Variants in MTPAP observed in about 807,000 individuals in gnomAD.
MTPAP encodes the protein poly(A) RNA polymerase, mitochondrial.
MTPAP carries 23 observed loss-of-function variants against 48.7 expected under a neutral mutation model. The ratio of observed to expected loss-of-function variants is 0.47; its 90% CI spans 0.34 to 0.67. MTPAP has a LOEUF of 0.67. Ranked by LOEUF, MTPAP falls within the 30% of genes least tolerant of loss-of-function variation. MTPAP has a pLI of 0.01. For missense variants in MTPAP, 614 were observed against 694.3 expected (o/e 0.88, Z 1.30); for synonymous variants, 257 against 254.1 (o/e 1.01, Z -0.11).
chr10:30,340,928 G>T (rs372326172), intron 2 of MTPAP, among the ~76,000 whole-genome samples: 1 of 142,196 alleles, frequency 7.0e-6, no homozygotes, highest in South Asian at 2.3e-4. Context: ...CAAAAAAAAA[G>T]AAACGGAACC....
At chr10:30,331,050 C>T (rs1441679318) in intron 4 of MTPAP, among the ~76,000 whole-genome samples, 3 of 152,156 alleles carry the variant, frequency 2.0e-5, no homozygotes, top group Non-Finnish European at 4.4e-5. Context: ...ACCAAAAATG[C>T]AAGCCACGAA....
chr10:30,345,524 A>C (rs1368795157), intron 1 of MTPAP, among the ~76,000 whole-genome samples: 1 of 152,216 alleles, frequency 6.6e-6, no homozygotes. Flanking sequence ...AAGATGAAAA[A>C]GGTAGAATCT....
At chr10:30,316,344 G>C (rs1014640393) in intron 6 of MTPAP, 134 bp from the exon 7 acceptor site, 1 of 716,678 alleles carries the variant, frequency 1.4e-6, no homozygotes, top group East Asian at 2.7e-5. Flanking sequence ...CCAGGTTCCA[G>C]CAATTCTCCT....
Position 30,316,124 on chromosome 10 carries a change from T to C in MTPAP, c.1306A>G (p.Thr436Ala). The C allele has an allele frequency of 1.9e-6, 3 of 1,613,458 alleles. No individual in the cohort carries two copies. Among genetic ancestry groups the C allele is most frequent in the Non-Finnish European group, 2.5e-6 (3 of 1,179,396 alleles). ...SRIKPSQNTE[T>A]LELLLKEFFE... Reference sequence around the variant, plus strand: ...TAAACAGAAAGACACTTACCTAATGTTTCTGTGTTCTGTGAAGGTTTAATT... The same window carrying C: ...TAAACAGAAAGACACTTACCTAATGCTTCTGTGTTCTGTGAAGGTTTAATT... The change falls in exon 7 of 9, where the codon ACA becomes GCA. Residue 436 changes from threonine to alanine, a missense_variant. Coordinates refer to ENST00000263063, the MANE Select transcript of MTPAP (RefSeq NM_018109.4).
intron 5 of MTPAP, among the ~76,000 whole-genome samples, chr10:30,325,713 G>A (rs1834580195): frequency 6.6e-6 from 1 of 151,992 alleles, no homozygotes; most frequent in Admixed American, 6.6e-5. Context: ...GCAGTGTGCT[G>A]CACTCCAGCC....
At chr10:30,315,931 T>C (rs1426080452) in intron 8 of MTPAP, 32 bp downstream of exon 8, 7 of 1,522,526 alleles carry the variant, frequency 4.6e-6, no homozygotes, top group African/African-American at 4.1e-5. Context: ...GAAGACCAGA[T>C]ACTAATAACT....
chr10:30,336,693 T>C (rs1296281032), intron 4 of MTPAP, 110 bp downstream of exon 4: 5 of 902,244 alleles, frequency 5.5e-6, no homozygotes, highest in East Asian at 2.4e-5. Flanking sequence ...TTAACCACAA[T>C]GTTTAATAAG....
chr10:30,343,814 C>A (rs550333186), intron 1 of MTPAP, among the ~76,000 whole-genome samples: 2 of 152,190 alleles, frequency 1.3e-5, no homozygotes, highest in South Asian at 4.1e-4. Flanking sequence ...GCAGTCCTCC[C>A]TCCTTGGACT....
At chr10:30,322,028 A>G (rs954557607) in intron 6 of MTPAP, among the ~76,000 whole-genome samples, 1 of 152,226 alleles carries the variant, frequency 6.6e-6, no homozygotes, top group African/African-American at 2.4e-5. Context: ...ATACAAGTCT[A>G]AACATAAGTT....
chr10:30,332,938 G>A (rs1031646358), intron 4 of MTPAP, among the ~76,000 whole-genome samples: 9 of 151,854 alleles, frequency 5.9e-5, no homozygotes, highest in East Asian at 1.9e-4. Flanking sequence ...TGGCTAACAC[G>A]GTGAAACTCC....
chr10:30,318,640 A>T (rs1249500632), intron 6 of MTPAP, among the ~76,000 whole-genome samples: 3 of 152,230 alleles, frequency 2.0e-5, no homozygotes, highest in African/African-American at 7.2e-5. Context: ...AGTGGAGATT[A>T]TAAGAAAACA....
chr10:30,344,025 C>G (rs1484508891), intron 1 of MTPAP, among the ~76,000 whole-genome samples: 1 of 152,214 alleles, frequency 6.6e-6, no homozygotes, highest in East Asian at 1.9e-4. Context: ...CTCCACATAA[C>G]TGCCAAAGTG....
rs149185046 is a variant in MTPAP at position 30,336,077 on chromosome 10, C to T, written c.780+726G>A. Among the ~76,000 whole-genome samples the T allele has an allele frequency of 4.5e-3, 684 of 152,060 alleles. 1 individual carries two copies. The highest frequency in any genetic ancestry group is 0.015 in the African/African-American group (619 of 41,490). On this transcript the variant is annotated intron_variant, in intron 4 of 8. Transcript: ENST00000263063. ...AGAAAATAGGAAATAAAAAATAAAA[C>T]AGGAGAAATTAGTCCAAGAATTATC...
chr10:30,336,878 G>A lies in MTPAP; in HGVS notation c.705C>T (p.Asn235=). The A allele has an allele frequency of 6.2e-7, 1 of 1,612,980 alleles. No homozygotes were observed. Among genetic ancestry groups the A allele is most frequent in the Non-Finnish European group, 8.5e-7 (1 of 1,180,018 alleles). ...CIVRPFGSSV[N]TFGKLGCDLD... ...AATCACATCCTAACTTCCCAAAAGT[G>A]TTGACTGAGGAGCCAAAGGGTCTGA... The change falls in exon 4 of 9, where the codon AAC becomes AAT. Residue 235 remains asparagine (N), a synonymous_variant. Transcript: ENST00000263063.
At chr10:30,335,375 AC>A (rs1834719270) in intron 4 of MTPAP, among the ~76,000 whole-genome samples, 1 of 152,138 alleles carries the variant, frequency 6.6e-6, no homozygotes, top group South Asian at 2.1e-4. Context: ...AGTCCCAGCT[AC>A]TTGGGAGGCT....
chr10:30,321,333 T>C (rs1485856458), intron 6 of MTPAP, among the ~76,000 whole-genome samples: 1 of 152,230 alleles, frequency 6.6e-6, no homozygotes, highest in Non-Finnish European at 1.5e-5. Context: ...AATTTGTAAC[T>C]GGTTGTGATC....
In MTPAP at chr10:30,326,499, A is replaced by AAT; in HGVS notation, c.915_916dup (p.Leu306TyrfsTer2). ...CCTCACGAGCGGACACCGGGCATTT[A>AAT]ATATTTTTTGCACACCCACACAGCC... is the stretch of plus-strand genomic sequence containing the variant. On this transcript the variant is annotated frameshift_variant, in exon 5 of 9. Coordinates refer to ENST00000263063, the MANE Select transcript of MTPAP (RefSeq NM_018109.4). LOFTEE classifies it high-confidence loss of function. 1 of 1,614,212 alleles carries AAT rather than the reference A, an allele frequency of 6.2e-7. No homozygotes were observed. The highest frequency in any genetic ancestry group is 8.5e-7 in the Non-Finnish European group (1 of 1,180,032).
chr10:30,341,377 A>G (rs1264904122), intron 2 of MTPAP, 91 bp downstream of exon 2: 3 of 1,502,104 alleles, frequency 2.0e-6, no homozygotes, highest in African/African-American at 1.4e-5. Context: ...TACCTACCAT[A>G]TTGCAAAAAG....
chr10:30,339,811 T>A, intron 3 of MTPAP, among the ~76,000 whole-genome samples: 1 of 152,216 alleles, frequency 6.6e-6, no homozygotes. Context: ...AAATACACCT[T>A]GACTAAGTAG....
Sources: gnomAD v4.1 joint callset for allele counts (sites outside exome capture counted in the v4.1 genomes callset) on GRCh38, gnomAD v4.1.1 for gene constraint, MANE v1.5 for transcripts, NCBI Gene and HGNC (gene_info 2026-07-23, HGNC 2026-07-21) for gene names.